Variants in CTNNA3 observed in about 807,000 individuals in gnomAD.
CTNNA3 encodes catenin alpha-3.
CTNNA3 carries 76 observed loss-of-function variants against 95.7 expected under a neutral mutation model. That is an observed-to-expected ratio of 0.79 (90% CI 0.66 to 0.96). The LOEUF (loss-of-function observed/expected upper bound fraction) is 0.96. Ranked by LOEUF, CTNNA3 falls within the 40% of genes least tolerant of loss-of-function variation. The pLI, the probability that CTNNA3 is intolerant of heterozygous loss-of-function variation, is 0.00. For missense variants in CTNNA3, 1,191 were observed against 1,089.8 expected, an observed-to-expected ratio of 1.09 and a Z score of -1.31; for synonymous variants, 431 against 374.4, an observed-to-expected ratio of 1.15 and a Z score of -1.74.
intron 7 of CTNNA3, among the ~76,000 whole-genome samples, chr10:67,106,414 T>A (rs1407938371): frequency 6.6e-6 from 1 of 152,228 alleles, no homozygotes; most frequent in Non-Finnish European, 1.5e-5. Flanking sequence ...GATTGTGTTC[T>A]GTAATTACCA....
At chr10:67,088,820 T>G (rs1485616934) in intron 7 of CTNNA3, among the ~76,000 whole-genome samples, 2 of 152,016 alleles carry the variant, frequency 1.3e-5, no homozygotes, top group East Asian at 3.9e-4. Context: ...TTATATTGAG[T>G]TCCTGCCTTA....
At chr10:66,114,508 G>GTA (rs143559718) in intron 13 of CTNNA3, among the ~76,000 whole-genome samples, 25,453 of 150,556 alleles carry the variant, frequency 0.17, 2,405 homozygotes, top group Admixed American at 0.25. Context: ...GTGCATATAT[G>GTA]TATATATATA....
chr10:66,685,466 G>A (rs1257639275), intron 9 of CTNNA3, among the ~76,000 whole-genome samples: 5 of 132,234 alleles, frequency 3.8e-5, no homozygotes, highest in African/African-American at 5.8e-5. Flanking sequence ...TCCACCTCCC[G>A]GGTTCTCGCC....
chr10:66,469,488 G>C (rs1188067886), intron 11 of CTNNA3, among the ~76,000 whole-genome samples: 1 of 151,812 alleles, frequency 6.6e-6, no homozygotes, highest in Non-Finnish European at 1.5e-5. Flanking sequence ...ATTGGACCCT[G>C]AAATTGTTTG....
intron 5 of CTNNA3, among the ~76,000 whole-genome samples, chr10:67,245,642 G>A (rs1391169793): frequency 3.3e-5 from 5 of 152,026 alleles, no homozygotes; most frequent in African/African-American, 9.7e-5. Flanking sequence ...GGCGGATCAC[G>A]AAGTCAAGAG....
rs547761466 is a variant in CTNNA3 at position 65,975,673 on chromosome 10, C to A, written c.2266-8927G>T. Among the ~76,000 whole-genome samples the A allele has an allele frequency of 6.6e-5, 10 of 152,150 alleles. No individual in the cohort carries two copies. The South Asian group carries it at 2.1e-3, about 32-fold the overall frequency. On this transcript the variant is annotated intron_variant, in intron 16 of 17. Coordinates refer to ENST00000433211, the MANE Select transcript of CTNNA3 (RefSeq NM_013266.4). ...TCTGTGCCAGGTACTATGCCAAGGC[C>A]TTTACATGCATAACTTTAGTACTCA...
chr10:67,259,291 C>T (rs977560019), intron 5 of CTNNA3, among the ~76,000 whole-genome samples: 1 of 152,090 alleles, frequency 6.6e-6, no homozygotes, highest in African/African-American at 2.4e-5. Context: ...GTTGTCTCTC[C>T]ATATTTTTAT....
At chr10:66,629,276 A>G (rs968844137) in intron 9 of CTNNA3, among the ~76,000 whole-genome samples, 2 of 152,092 alleles carry the variant, frequency 1.3e-5, no homozygotes, top group Non-Finnish European at 2.9e-5. Flanking sequence ...TATGAGGTAA[A>G]GTAACCCCAT....
chr10:66,959,903 C>T (rs1849023608), intron 7 of CTNNA3, among the ~76,000 whole-genome samples: 1 of 152,114 alleles, frequency 6.6e-6, no homozygotes, highest in Admixed American at 6.6e-5. Context: ...TCAAGACTCC[C>T]TCCACATCTA....
chr10:67,171,190 G>A (rs909955977), intron 7 of CTNNA3, among the ~76,000 whole-genome samples: 4 of 152,142 alleles, frequency 2.6e-5, no homozygotes, highest in Non-Finnish European at 4.4e-5. Flanking sequence ...AAAAGGTCAT[G>A]GTTTTTGTAC....
intron 5 of CTNNA3, among the ~76,000 whole-genome samples, chr10:67,411,025 A>G (rs1297028553): frequency 6.6e-6 from 1 of 152,126 alleles, no homozygotes; most frequent in Non-Finnish European, 1.5e-5. Flanking sequence ...CAGAGTAAAA[A>G]TAGTGGTTAA....
At chr10:66,754,431 A>C (rs1839285076) in intron 9 of CTNNA3, among the ~76,000 whole-genome samples, 1 of 152,218 alleles carries the variant, frequency 6.6e-6, no homozygotes, top group African/African-American at 2.4e-5. Context: ...ATATAAAAAT[A>C]AATCTTTATG....
intron 2 of CTNNA3, among the ~76,000 whole-genome samples, chr10:67,608,488 T>C (rs1843351890): frequency 6.6e-6 from 1 of 152,206 alleles, no homozygotes; most frequent in Admixed American, 6.5e-5. Context: ...CACAGCCTTC[T>C]AGAGCATTCT....
chr10:66,004,836 C>T (rs1286974589), intron 15 of CTNNA3, among the ~76,000 whole-genome samples: 2 of 152,178 alleles, frequency 1.3e-5, no homozygotes, highest in Admixed American at 1.3e-4. Context: ...ATTACTTGTT[C>T]CACTAATTTT....
intron 5 of CTNNA3, among the ~76,000 whole-genome samples, chr10:67,271,775 A>C (rs751287112): frequency 1.3e-5 from 2 of 152,184 alleles, no homozygotes; most frequent in African/African-American, 2.4e-5. Flanking sequence ...TCCAAGCCCT[A>C]AAGTGTCCAT....
intron 9 of CTNNA3, among the ~76,000 whole-genome samples, chr10:66,623,248 T>G (rs1395041710): frequency 6.6e-6 from 1 of 152,142 alleles, no homozygotes; most frequent in African/African-American, 2.4e-5. Flanking sequence ...GAGCACTGTT[T>G]GTTTAAAGTA....
chr10:66,179,962 T>A (rs1564735514), intron 13 of CTNNA3, among the ~76,000 whole-genome samples: 1 of 152,162 alleles, frequency 6.6e-6, no homozygotes, highest in Non-Finnish European at 1.5e-5. Flanking sequence ...ATAGTAGATG[T>A]GCCAGCTTTG....
chr10:67,599,029 T>C (rs1843004553), intron 3 of CTNNA3, among the ~76,000 whole-genome samples: 1 of 152,206 alleles, frequency 6.6e-6, no homozygotes, highest in Non-Finnish European at 1.5e-5. Flanking sequence ...GTTTAAAGTT[T>C]GAATCCTGCA....
chr10:66,175,099 T>C (rs570740283), intron 13 of CTNNA3, among the ~76,000 whole-genome samples: 3 of 152,186 alleles, frequency 2.0e-5, no homozygotes, highest in South Asian at 2.1e-4. Context: ...GGGTAGAAGC[T>C]ACATGATATC....
Sources: gnomAD v4.1 joint callset for allele counts (sites outside exome capture counted in the v4.1 genomes callset) on GRCh38, gnomAD v4.1.1 for gene constraint, MANE v1.5 for transcripts, NCBI Gene and HGNC (gene_info 2026-07-23, HGNC 2026-07-21) for gene names.